The following ADAMTSL1 variants were observed in gnomAD, a reference collection of about 807,000 sequenced individuals.
ADAMTSL1 encodes ADAMTS like 1.
ADAMTSL1 carries 126 observed loss-of-function variants against 201.8 expected under a neutral mutation model. The observed-to-expected ratio is 0.62, with a 90% CI of 0.54 to 0.72. The LOEUF (loss-of-function observed/expected upper bound fraction) is 0.72. ADAMTSL1 is among the 30% of genes least tolerant of loss of function. The pLI, the probability that ADAMTSL1 is intolerant of heterozygous loss-of-function variation, is 0.00. For missense variants in ADAMTSL1, 2,679 were observed against 2,277.8 expected (o/e 1.18, Z -3.59); for synonymous variants, 1,121 against 903.4 (o/e 1.24, Z -4.32).
chr9:17,921,112 C>T (rs1445723619), intron 1 of ADAMTSL1, among the ~76,000 whole-genome samples: 1 of 152,116 alleles, frequency 6.6e-6, no homozygotes, highest in Admixed American at 6.6e-5. Context: ...AGTTATTTGG[C>T]CTCTTGGGTT....
chr9:18,227,110 C>A (rs77002001), intron 2 of ADAMTSL1, among the ~76,000 whole-genome samples: 2,837 of 152,176 alleles, frequency 0.019, 105 homozygotes, highest in African/African-American at 0.065. Context: ...TTAACCCCTC[C>A]ATTTTTTCCT....
At chr9:18,327,825 A>G (rs1265161473) in intron 2 of ADAMTSL1, among the ~76,000 whole-genome samples, 1 of 152,220 alleles carries the variant, frequency 6.6e-6, no homozygotes, top group Non-Finnish European at 1.5e-5. Context: ...GTTAGGCAGA[A>G]ATATAGCTTG....
In ADAMTSL1 at chr9:18,698,822, G is replaced by A. The variant is rs558194728; in HGVS notation, c.1575-7925G>A. Among the ~76,000 whole-genome samples the A allele has an allele frequency of 5.0e-4, 76 of 152,318 alleles. 1 individual carries two copies. Among genetic ancestry groups the A allele is most frequent in the African/African-American group, 1.8e-3 (74 of 41,576 alleles). On this transcript the variant is annotated intron_variant, in intron 13 of 28. Coordinates refer to ENST00000380548, the MANE Select transcript of ADAMTSL1 (RefSeq NM_001040272.6). Reference sequence around the variant, plus strand: ...AAGAATAGCAGACAGTAAGGCCTGTGTTCTTAGAACCTGATACCAATCTTC... The same window carrying A: ...AAGAATAGCAGACAGTAAGGCCTGTATTCTTAGAACCTGATACCAATCTTC...
chr9:18,692,075 A>G (rs1283464184), intron 13 of ADAMTSL1, among the ~76,000 whole-genome samples: 1 of 152,220 alleles, frequency 6.6e-6, no homozygotes, highest in African/African-American at 2.4e-5. Context: ...GTGGGTTCCC[A>G]GCTTACACCA....
intron 2 of ADAMTSL1, among the ~76,000 whole-genome samples, chr9:18,178,155 G>T (rs954545544): frequency 6.6e-6 from 1 of 152,190 alleles, no homozygotes; most frequent in African/African-American, 2.4e-5. Context: ...GTGGGCGCAG[G>T]TCAGTGGGTG....
chr9:18,097,290 TTTG>T (rs1488129180), intron 1 of ADAMTSL1, among the ~76,000 whole-genome samples: 2 of 152,242 alleles, frequency 1.3e-5, no homozygotes, highest in Non-Finnish European at 2.9e-5. Flanking sequence ...TATATTACAA[TTTG>T]TTGATCCATT....
At chr9:17,981,537 C>G (rs1293801410) in intron 1 of ADAMTSL1, among the ~76,000 whole-genome samples, 1 of 152,168 alleles carries the variant, frequency 6.6e-6, no homozygotes, top group Non-Finnish European at 1.5e-5. Context: ...TGTCATCAAC[C>G]TTGAAAATTG....
rs772381787 is a variant in ADAMTSL1 at position 18,574,117 on chromosome 9, C to T, written c.325C>T (p.Leu109Phe). Residue 109 changes from leucine (L) to phenylalanine (F), a missense_variant, in exon 4 of 29, where the codon CTT becomes TTT. Coordinates refer to ENST00000380548, the MANE Select transcript of ADAMTSL1 (RefSeq NM_001040272.6). ...GCACCATGGCCAGTTTTATGAATGG[C>T]TTCCTGTGTCTAATGACCCTGACAA... ...VKHHGQFYEW[L>F]PVSNDPDNPC... The T allele has an allele frequency of 1.2e-6, 2 of 1,614,124 alleles. No individual in the cohort carries two copies. The highest frequency in any genetic ancestry group is 1.1e-5 in the South Asian group (1 of 91,080).
At chr9:18,112,186 C>T (rs1377742119) in intron 1 of ADAMTSL1, among the ~76,000 whole-genome samples, 1 of 152,084 alleles carries the variant, frequency 6.6e-6, no homozygotes, top group Admixed American at 6.6e-5. Flanking sequence ...TTTTGCAGTG[C>T]TTAGGTGGGT....
intron 1 of ADAMTSL1, among the ~76,000 whole-genome samples, chr9:18,499,514 A>G (rs1354059292): frequency 6.6e-6 from 1 of 152,234 alleles, no homozygotes. Context: ...AGACATGGCC[A>G]GGATGTTTCT....
At chr9:17,970,349 C>T (rs1818156496) in intron 1 of ADAMTSL1, among the ~76,000 whole-genome samples, 1 of 152,018 alleles carries the variant, frequency 6.6e-6, no homozygotes, top group African/African-American at 2.4e-5. Flanking sequence ...GCATTATCCT[C>T]CTCTTTGCCT....
Position 18,657,726 on chromosome 9 carries a change from C to G in ADAMTSL1, c.922C>G (p.Pro308Ala). 1.2e-6 allele frequency: 2 copies of G among 1,614,052 alleles called. No individual in the cohort carries two copies. The highest frequency in any genetic ancestry group is 8.5e-7 in the Non-Finnish European group (1 of 1,179,912). ...IHRWRETDFF[P>A]CSATCGGGYQ... is the part of the protein sequence containing the mutation. ...CCGATGGAGGGAGACGGATTTCTTTCCTTGCTCAGCAACCTGTGGAGGAGG... is the reference window on the plus strand; with the variant it reads ...CCGATGGAGGGAGACGGATTTCTTTGCTTGCTCAGCAACCTGTGGAGGAGG... Residue 308 changes from proline to alanine, a missense_variant, in exon 8 of 29, where the codon CCT becomes GCT. Physicochemically the swap from Pro to Ala is conservative, Grantham distance 27. Coordinates refer to ENST00000380548, the MANE Select transcript of ADAMTSL1 (RefSeq NM_001040272.6).
intron 2 of ADAMTSL1, among the ~76,000 whole-genome samples, chr9:18,454,525 C>G (rs1027603376): frequency 6.6e-6 from 1 of 152,150 alleles, no homozygotes; most frequent in Non-Finnish European, 1.5e-5. Flanking sequence ...AATTACCCAT[C>G]ACAGAGACCA....
intron 22 of ADAMTSL1, 145 bp from the exon 23 acceptor site, chr9:18,829,697 GA>G: frequency 8.8e-7 from 1 of 1,142,282 alleles, no homozygotes. Flanking sequence ...TCCTCTATAG[GA>G]AAAATAATGT....
Position 18,592,614 on chromosome 9 carries a change from C to T in ADAMTSL1, c.474+18348C>T, listed in dbSNP as rs1045150828. ...AAACTTCTCAGTACCATGCTATTTT[C>T]GTTACTATATCTCTGTAGTAAAATT... On this transcript the variant is annotated intron_variant, in intron 4 of 28. Coordinates refer to ENST00000380548, the MANE Select transcript of ADAMTSL1 (RefSeq NM_001040272.6). Among the ~76,000 whole-genome samples, 4 of 152,202 alleles carry T rather than the reference C, an allele frequency of 2.6e-5. No individual in the cohort carries two copies. The East Asian group carries it at 5.8e-4, about 22-fold the overall frequency.
rs578119986 is a variant in ADAMTSL1, at chr9:17,984,801, A to G, written c.87+77879A>G. 5.9e-5 allele frequency among the ~76,000 whole-genome samples: 9 copies of G among 152,260 alleles called. No homozygotes were observed. The South Asian group carries it at 1.9e-3, about 32-fold the overall frequency. On this transcript the variant is annotated intron_variant, in intron 1 of 29. Coordinates refer to the ADAMTSL1 transcript ENST00000680146. Reference sequence around the variant, plus strand: ...TCTTTTTAAATGAATGCGTAGCTGTAGTCTAGCTCTGATTTAGGCTTTTCC... The same window carrying G: ...TCTTTTTAAATGAATGCGTAGCTGTGGTCTAGCTCTGATTTAGGCTTTTCC...
At position 18,744,452 on chromosome 9, in the gene ADAMTSL1, AC is replaced by A. The variant is rs939940072; in HGVS notation, c.2007-8845del. Among the ~76,000 whole-genome samples, 22 of 152,304 alleles carry A rather than the reference AC, an allele frequency of 1.4e-4. 1 individual carries two copies. Among genetic ancestry groups the A allele is most frequent in the Admixed American group, 1.2e-3 (18 of 15,298 alleles). The stretch of plus-strand genomic sequence containing the variant: ...AACCTATGGCTACTTTCTCTGACTG[AC>A]TTTAGGAAGCTGCCTCACTCTACTT... On this transcript the variant is annotated intron_variant, in intron 15 of 28. Coordinates refer to ENST00000380548, the MANE Select transcript of ADAMTSL1 (RefSeq NM_001040272.6).
chr9:18,824,197 G>T (rs916738752), intron 21 of ADAMTSL1, among the ~76,000 whole-genome samples: 5 of 151,198 alleles, frequency 3.3e-5, no homozygotes, highest in African/African-American at 1.2e-4. Context: ...TTTTTAAATG[G>T]GAAAAAAACT....
At chr9:18,404,319 A>G (rs1285930381) in intron 2 of ADAMTSL1, among the ~76,000 whole-genome samples, 1 of 152,208 alleles carries the variant, frequency 6.6e-6, no homozygotes, top group Non-Finnish European at 1.5e-5. Context: ...ATGTACTACC[A>G]AACAATGATG....
Sources: gnomAD v4.1 joint callset for allele counts (sites outside exome capture counted in the v4.1 genomes callset) on GRCh38, gnomAD v4.1.1 for gene constraint, MANE v1.5 for transcripts, NCBI Gene and HGNC (gene_info 2026-07-23, HGNC 2026-07-21) for gene names.